The following HCN1 variants were observed in gnomAD, a reference collection of about 807,000 sequenced individuals.
HCN1 encodes the protein hyperpolarization activated cyclic nucleotide gated potassium channel 1, also known as potassium/sodium hyperpolarization-activated cyclic nucleotide-gated channel 1.
HCN1 carries 13 observed loss-of-function variants against 78.9 expected under a neutral mutation model. The observed-to-expected ratio is 0.16, with a 90% CI of 0.11 to 0.26. The LOEUF (loss-of-function observed/expected upper bound fraction) is 0.26. HCN1 is among the 10% of genes least tolerant of loss of function. HCN1 has a pLI of 1.00. For synonymous variants in HCN1, 552 were observed against 455.5 expected, an observed-to-expected ratio of 1.21 and a Z score of -2.70; for missense variants, 810 against 1,154.3, an observed-to-expected ratio of 0.70 and a Z score of 4.32.
chr5:45,278,255 G>A (rs1745102395), intron 6 of HCN1, among the ~76,000 whole-genome samples: 1 of 151,996 alleles, frequency 6.6e-6, no homozygotes, highest in Non-Finnish European at 1.5e-5. Flanking sequence ...AGTTCTTCAA[G>A]TTCAGTATGT....
chr5:45,308,805 C>T (rs1383280536), intron 5 of HCN1, among the ~76,000 whole-genome samples: 1 of 152,060 alleles, frequency 6.6e-6, no homozygotes, highest in African/African-American at 2.4e-5. Context: ...AGCATGATGC[C>T]TCCAGCTTTG....
At chr5:45,466,289 T>C (rs1741269708) in intron 2 of HCN1, among the ~76,000 whole-genome samples, 1 of 152,180 alleles carries the variant, frequency 6.6e-6, no homozygotes. Context: ...GCTTAATTAT[T>C]TGTTCTATTT....
intron 1 of HCN1, among the ~76,000 whole-genome samples, chr5:45,679,406 T>C (rs919827275): frequency 1.3e-5 from 2 of 152,052 alleles, no homozygotes; most frequent in African/African-American, 2.4e-5. Context: ...CTGTGTTGCC[T>C]TTCCCGTGTG....
At chr5:45,658,067 C>A (rs906837083) in intron 1 of HCN1, among the ~76,000 whole-genome samples, 11 of 152,094 alleles carry the variant, frequency 7.2e-5, no homozygotes, top group African/African-American at 2.7e-4. Flanking sequence ...AGAACAGAGC[C>A]CTCAGAAATA....
chr5:45,435,215 G>T (rs973987405), intron 3 of HCN1, among the ~76,000 whole-genome samples: 8 of 151,956 alleles, frequency 5.3e-5, no homozygotes, highest in African/African-American at 1.9e-4. Context: ...ATTTATTTGT[G>T]CAGGAAAATC....
At chr5:45,346,017 A>T (rs1746695825) in intron 5 of HCN1, among the ~76,000 whole-genome samples, 1 of 152,226 alleles carries the variant, frequency 6.6e-6, no homozygotes, top group South Asian at 2.1e-4. Context: ...CAAGCATGGC[A>T]GAAGGGGAAG....
At chr5:45,322,673 C>G (rs900079746) in intron 5 of HCN1, among the ~76,000 whole-genome samples, 28 of 151,944 alleles carry the variant, frequency 1.8e-4, no homozygotes, top group African/African-American at 6.7e-4. Flanking sequence ...TGATTGCAAC[C>G]TGTCCCACGA....
intron 5 of HCN1, among the ~76,000 whole-genome samples, chr5:45,319,560 GTTC>G (rs543945282): frequency 8.3e-4 from 126 of 151,792 alleles, no homozygotes; most frequent in Admixed American, 7.3e-3. Context: ...TATGTTAAGA[GTTC>G]TTCTTATACT....
chr5:45,380,912 C>T (rs1217378148), intron 4 of HCN1, among the ~76,000 whole-genome samples: 1 of 152,196 alleles, frequency 6.6e-6, no homozygotes, highest in East Asian at 1.9e-4. Context: ...ATGTTATTTC[C>T]TCTTCCAGAG....
intron 3 of HCN1, among the ~76,000 whole-genome samples, chr5:45,451,456 A>G (rs1186404871): frequency 6.6e-6 from 1 of 152,034 alleles, no homozygotes; most frequent in Non-Finnish European, 1.5e-5. Context: ...TTTCAGGCAC[A>G]TGGTAAATTT....
chr5:45,429,420 G>A (rs988429881), intron 3 of HCN1, among the ~76,000 whole-genome samples: 2 of 152,142 alleles, frequency 1.3e-5, no homozygotes, highest in African/African-American at 4.8e-5. Flanking sequence ...TAGCTGACAA[G>A]TTAGTGCTGG....
At position 45,320,030 on chromosome 5, in the gene HCN1, T is replaced by A. The variant is rs111484359; in HGVS notation, c.1378-16191A>T. Among the ~76,000 whole-genome samples, 26 of 152,010 alleles carry A rather than the reference T, an allele frequency of 1.7e-4. 1 individual carries two copies. The highest frequency in any genetic ancestry group is 6.0e-4 in the African/African-American group (25 of 41,552). ...TTAAGCATGGTAGCTATACATATAATTTCCACCATTACACAAATGAATCAT... is the reference window on the plus strand; with the variant it reads ...TTAAGCATGGTAGCTATACATATAAATTCCACCATTACACAAATGAATCAT... On this transcript the variant is annotated intron_variant, in intron 5 of 7. Coordinates refer to ENST00000303230, the MANE Select transcript of HCN1 (RefSeq NM_021072.4).
chr5:45,508,682 T>C (rs1274512131), intron 2 of HCN1, among the ~76,000 whole-genome samples: 1 of 152,172 alleles, frequency 6.6e-6, no homozygotes, highest in African/African-American at 2.4e-5. Context: ...CTTTTCTATA[T>C]AGAATGTCTG....
At chr5:45,516,726 A>T (rs1227323427) in intron 2 of HCN1, among the ~76,000 whole-genome samples, 1 of 151,914 alleles carries the variant, frequency 6.6e-6, no homozygotes, top group East Asian at 1.9e-4. Flanking sequence ...TGTGTCTCTG[A>T]ATATTTTTTA....
chr5:45,538,624 T>C (rs879332503), intron 2 of HCN1, among the ~76,000 whole-genome samples: 1 of 152,158 alleles, frequency 6.6e-6, no homozygotes, highest in Non-Finnish European at 1.5e-5. Flanking sequence ...TTTACTTCAT[T>C]TGCAATAGTC....
rs1350774224 is a variant in HCN1, at chr5:45,373,753, C to T, written c.1231-20507G>A. 1.7e-4 allele frequency among the ~76,000 whole-genome samples: 20 copies of T among 121,060 alleles called. 1 individual carries two copies. Among genetic ancestry groups the T allele is most frequent in the South Asian group, 2.6e-4 (1 of 3,904 alleles). 79.4% of individuals were successfully genotyped at this position (121,060 alleles called of 152,430 possible). On this transcript the variant is annotated intron_variant, in intron 4 of 7. Coordinates refer to ENST00000303230, the MANE Select transcript of HCN1 (RefSeq NM_021072.4). ...TACGTCATCTATAATATATTACATA[C>T]GGTATATACGTCATCTATAATATAT...
At chr5:45,310,287 G>A (rs1176073860) in intron 5 of HCN1, among the ~76,000 whole-genome samples, 1 of 151,796 alleles carries the variant, frequency 6.6e-6, no homozygotes, top group Non-Finnish European at 1.5e-5. Context: ...CTAATATCCA[G>A]CATCTATAGT....
chr5:45,664,475 A>AC (rs1341801906), intron 1 of HCN1, among the ~76,000 whole-genome samples: 2 of 150,188 alleles, frequency 1.3e-5, no homozygotes, highest in Non-Finnish European at 3.0e-5. Context: ...AAAAAAAGAA[A>AC]AAAAAAAAAA....
intron 2 of HCN1, among the ~76,000 whole-genome samples, chr5:45,591,510 C>T (rs77593415): frequency 0.078 from 11,787 of 152,060 alleles, 600 homozygotes; most frequent in Middle Eastern, 0.15. Flanking sequence ...TTTGCATTTC[C>T]CTGAGGACTT....
Sources: gnomAD v4.1 joint callset for allele counts (sites outside exome capture counted in the v4.1 genomes callset) on GRCh38, gnomAD v4.1.1 for gene constraint, MANE v1.5 for transcripts, NCBI Gene and HGNC (gene_info 2026-07-23, HGNC 2026-07-21) for gene names.